The following CHSY3 variants were observed in gnomAD, a reference collection of about 807,000 sequenced individuals.
The protein encoded by CHSY3 is N-acetylgalactosaminyl-proteoglycan 3-beta-glucuronosyltransferase 3.
Under a neutral mutation model 67.2 loss-of-function variants are expected in CHSY3, and 35 were observed. The ratio of observed to expected loss-of-function variants is 0.52; its 90% CI spans 0.40 to 0.69. CHSY3 has a LOEUF of 0.69. Among genes scored for constraint, CHSY3 ranks in the 30% least tolerant of loss-of-function variants. The pLI, the probability that CHSY3 is intolerant of heterozygous loss-of-function variation, is 0.00. For synonymous variants in CHSY3, 474 were observed against 434.7 expected (o/e 1.09, Z -1.12); for missense variants, 1,069 against 1,138.5 (o/e 0.94, Z 0.88).
At chr5:129,908,500 G>A in intron 2 of CHSY3, 140 bp downstream of exon 2, 1 of 1,312,402 alleles carries the variant, frequency 7.6e-7, no homozygotes, top group Non-Finnish European at 1.0e-6. Context: ...AGGGATACAA[G>A]AGTGGGAGAT....
At chr5:129,975,604 T>A (rs983737898) in intron 2 of CHSY3, among the ~76,000 whole-genome samples, 2 of 152,228 alleles carry the variant, frequency 1.3e-5, no homozygotes, top group African/African-American at 2.4e-5. Context: ...TTTGATTTTT[T>A]AAATTTTATA....
intron 2 of CHSY3, among the ~76,000 whole-genome samples, chr5:130,029,152 G>T (rs1764640022): frequency 6.6e-6 from 1 of 152,090 alleles, no homozygotes. Context: ...TCACAGAAGT[G>T]AGTAAAGTGC....
intron 2 of CHSY3, among the ~76,000 whole-genome samples, chr5:129,970,486 A>C (rs1762610460): frequency 6.6e-6 from 1 of 151,752 alleles, no homozygotes; most frequent in African/African-American, 2.4e-5. Flanking sequence ...AAATGTTTAC[A>C]CAGAGATCTT....
intron 2 of CHSY3, among the ~76,000 whole-genome samples, chr5:129,923,139 C>A (rs1339105725): frequency 6.6e-6 from 1 of 151,954 alleles, no homozygotes; most frequent in East Asian, 1.9e-4. Context: ...AGGAGATGGA[C>A]TTAAGAGCTA....
chr5:129,914,930 C>T (rs937823343), intron 2 of CHSY3, among the ~76,000 whole-genome samples: 1 of 152,152 alleles, frequency 6.6e-6, no homozygotes, highest in Non-Finnish European at 1.5e-5. Flanking sequence ...AATTTAAAAA[C>T]TTTGAATATT....
intron 2 of CHSY3, among the ~76,000 whole-genome samples, chr5:129,939,068 C>T (rs1026221301): frequency 2.6e-5 from 4 of 152,176 alleles, no homozygotes; most frequent in Non-Finnish European, 5.9e-5. Flanking sequence ...GGCTTCTGCT[C>T]TTGGGGAGCC....
rs368282064 is a variant in CHSY3 at position 129,955,199 on chromosome 5, AT to A, written c.1086+46844del. Among the ~76,000 whole-genome samples the A allele has an allele frequency of 2.8e-4, 43 of 151,918 alleles. No individual in the cohort carries two copies. In the East Asian group the frequency reaches 6.2e-3, roughly 22 times the overall value. On this transcript the variant is annotated intron_variant, in intron 2 of 2. Transcript: ENST00000305031. Reference sequence around the variant, plus strand: ...TTTAAATGACTCTTTTGGAGCTATAATTTTTACATAATGACTTTTATTTACA... The same window carrying A: ...TTTAAATGACTCTTTTGGAGCTATAATTTTACATAATGACTTTTATTTACA...
intron 2 of CHSY3, among the ~76,000 whole-genome samples, chr5:129,999,502 A>T (rs2149637356): frequency 6.6e-6 from 1 of 152,278 alleles, no homozygotes; most frequent in Admixed American, 6.5e-5. Context: ...TAAGAAATGC[A>T]ATGATTACAC....
intron 2 of CHSY3, among the ~76,000 whole-genome samples, chr5:129,954,018 C>CA (rs2149602958): frequency 6.6e-6 from 1 of 152,114 alleles, no homozygotes; most frequent in South Asian, 2.1e-4. Context: ...CTTTTGTTAC[C>CA]ACTGCTTTTG....
At chr5:129,907,319 G>A (rs938624304) in intron 1 of CHSY3, among the ~76,000 whole-genome samples, 27 of 152,154 alleles carry the variant, frequency 1.8e-4, no homozygotes, top group African/African-American at 6.5e-4. Context: ...GGCAAGGCAT[G>A]GGATCAAGAT....
chr5:129,959,636 G>A (rs1762274804), intron 2 of CHSY3, among the ~76,000 whole-genome samples: 1 of 152,062 alleles, frequency 6.6e-6, no homozygotes, highest in Admixed American at 6.6e-5. Context: ...TGAATATGCA[G>A]CTAAAGAAGC....
chr5:130,138,798 C>G (rs1329987682), intron 2 of CHSY3, among the ~76,000 whole-genome samples: 1 of 152,126 alleles, frequency 6.6e-6, no homozygotes, highest in African/African-American at 2.4e-5. Context: ...TCATACTGTT[C>G]CAGTAGGTTG....
At chr5:130,052,310 TC>T in intron 2 of CHSY3, 1 of 152,162 alleles carries the variant, frequency 6.6e-6, no homozygotes, top group Non-Finnish European at 1.5e-5. Flanking sequence ...TCCTGGGAGT[TC>T]CCCCCACAGT....
chr5:130,013,991 A>G (rs1455909062), intron 2 of CHSY3, among the ~76,000 whole-genome samples: 1 of 152,138 alleles, frequency 6.6e-6, no homozygotes, highest in Non-Finnish European at 1.5e-5. Flanking sequence ...ATCTCTTTCA[A>G]GTTTAAAGTT....
chr5:130,060,008 G>T (rs1018016399), intron 2 of CHSY3, among the ~76,000 whole-genome samples: 2 of 151,630 alleles, frequency 1.3e-5, no homozygotes, highest in Non-Finnish European at 2.9e-5. Context: ...AACTGGTACC[G>T]GTCTTACTGA....
intron 2 of CHSY3, among the ~76,000 whole-genome samples, chr5:129,984,075 T>C (rs1386416145): frequency 6.6e-6 from 1 of 152,128 alleles, no homozygotes; most frequent in Non-Finnish European, 1.5e-5. Context: ...TACAAATTTG[T>C]TACATGGGTA....
intron 2 of CHSY3, among the ~76,000 whole-genome samples, chr5:130,080,037 TACACACACACAC>T (rs35994744): frequency 4.2e-5 from 6 of 143,420 alleles, no homozygotes; most frequent in South Asian, 2.3e-4. Context: ...CACCTGAACA[TACACACACACAC>T]ACACACACAC....
intron 2 of CHSY3, among the ~76,000 whole-genome samples, chr5:130,121,251 T>A (rs1296322005): frequency 1.3e-5 from 2 of 152,190 alleles, no homozygotes; most frequent in African/African-American, 2.4e-5. Context: ...CTAATCGTGT[T>A]CTTAGCATAT....
In CHSY3 at chr5:130,177,188, AAT is replaced by A. The variant is rs3065095; in HGVS notation, c.1087-7028_1087-7027del. Among the ~76,000 whole-genome samples, 331 of 147,492 alleles carry A rather than the reference AAT, an allele frequency of 2.2e-3. 1 individual carries two copies. Among genetic ancestry groups the A allele is most frequent in the Non-Finnish European group, 3.7e-3 (249 of 66,860 alleles). ...ATAATTTTTCATACATATATATATGAATATATATATATATGAGTGTGTGTATA... is the reference window on the plus strand; with the variant it reads ...ATAATTTTTCATACATATATATATGAATATATATATATGAGTGTGTGTATA... On this transcript the variant is annotated intron_variant, in intron 2 of 2. Transcript: ENST00000305031.
Sources: allele counts gnomAD v4.1 joint callset (sites outside exome capture counted in the v4.1 genomes callset), GRCh38; gene constraint gnomAD v4.1.1; transcripts MANE v1.5; gene names NCBI Gene and HGNC (gene_info 2026-07-23, HGNC 2026-07-21).